MAML3: variants seen among roughly 807,000 people sequenced by gnomAD.
MAML3 encodes the protein mastermind-like protein 3.
Under a neutral mutation model 101.9 loss-of-function variants are expected in MAML3, and 27 were observed. The ratio of observed to expected loss-of-function variants is 0.27; its 90% CI spans 0.20 to 0.37. MAML3 has a LOEUF of 0.37. Among genes scored for constraint, MAML3 ranks in the 10% least tolerant of loss-of-function variants. The pLI is 1.00. For missense variants in MAML3, 1,316 were observed against 1,444.9 expected (o/e 0.91, Z 1.45); for synonymous variants, 501 against 555.9 (o/e 0.90, Z 1.39).
intron 1 of MAML3, among the ~76,000 whole-genome samples, chr4:140,107,867 G>A (rs1728378659): frequency 6.6e-6 from 1 of 151,110 alleles, no homozygotes; most frequent in African/African-American, 2.4e-5. Context: ...AAAAATGACG[G>A]TGGGGTGAGC....
chr4:139,876,224 A>ATATTAAGATGAAT (rs1732112642), intron 2 of MAML3, among the ~76,000 whole-genome samples: 1 of 152,266 alleles, frequency 6.6e-6, no homozygotes, highest in Admixed American at 6.5e-5. Context: ...AAATAAAAAT[A>ATATTAAGATGAAT]TATTAAGATG....
intron 2 of MAML3, among the ~76,000 whole-genome samples, chr4:139,765,339 C>T (rs1056597320): frequency 2.8e-4 from 42 of 152,264 alleles, no homozygotes; most frequent in East Asian, 2.1e-3. Context: ...GAATGCTTTC[C>T]TTGCTTCTTT....
chr4:139,866,993 C>A (rs1731910921), intron 2 of MAML3, among the ~76,000 whole-genome samples: 2 of 152,168 alleles, frequency 1.3e-5, no homozygotes, highest in African/African-American at 4.8e-5. Flanking sequence ...CCTTATTAGG[C>A]ACATAATGGG....
At chr4:139,912,399 G>C (rs1021923228) in intron 1 of MAML3, among the ~76,000 whole-genome samples, 1 of 152,192 alleles carries the variant, frequency 6.6e-6, no homozygotes, top group African/African-American at 2.4e-5. Flanking sequence ...AGAAGTAAAT[G>C]AAGGTTTCGT....
At position 139,823,144 on chromosome 4, in the gene MAML3, T is replaced by C. The variant is rs558063280; in HGVS notation, c.2079+66213A>G. 2.6e-5 allele frequency among the ~76,000 whole-genome samples: 4 copies of C among 152,364 alleles called. No homozygotes were observed. In the East Asian group the frequency reaches 5.8e-4, roughly 22 times the overall value. ...TCCTTCTTAGAAAATCAGTAAATGA[T>C]TCCTCATTATGCAAGTCAGTCAGAT... On this transcript the variant is annotated intron_variant, in intron 2 of 4. Coordinates refer to ENST00000509479, the MANE Select transcript of MAML3 (RefSeq NM_018717.5).
At chr4:139,893,446 T>C (rs1019158695) in intron 1 of MAML3, among the ~76,000 whole-genome samples, 4 of 152,154 alleles carry the variant, frequency 2.6e-5, no homozygotes, top group African/African-American at 9.7e-5. Flanking sequence ...AAGTGTCTGT[T>C]TGGTGAGTTC....
chr4:140,143,516 AC>A lies in MAML3; in HGVS notation c.468+9343del, dbSNP rs1250287187. 3.3e-5 allele frequency among the ~76,000 whole-genome samples: 5 copies of A among 152,334 alleles called. No homozygotes were observed. The East Asian group carries it at 9.7e-4, about 29-fold the overall frequency. ...GGTGGCTCACACCTGTAATCCTAGC[AC>A]TTTGGAAGGCCAAGGCGGGCGGATC... On this transcript the variant is annotated intron_variant, in intron 1 of 4. Coordinates refer to ENST00000509479, the MANE Select transcript of MAML3 (RefSeq NM_018717.5).
intron 1 of MAML3, among the ~76,000 whole-genome samples, chr4:140,135,475 G>GA (rs575514794): frequency 1.1e-3 from 161 of 152,318 alleles, no homozygotes; most frequent in African/African-American, 3.8e-3. Flanking sequence ...GGGCTGCTGT[G>GA]AAAAAAGATT....
At chr4:139,953,876 C>T (rs994526758) in intron 1 of MAML3, among the ~76,000 whole-genome samples, 21 of 152,280 alleles carry the variant, frequency 1.4e-4, no homozygotes, top group African/African-American at 4.6e-4. Context: ...TTCATTCCAA[C>T]GGCGACAGGA....
intron 1 of MAML3, among the ~76,000 whole-genome samples, chr4:139,993,890 C>G (rs1245802464): frequency 6.6e-6 from 1 of 152,082 alleles, no homozygotes; most frequent in African/African-American, 2.4e-5. Flanking sequence ...GTACAGATTA[C>G]ACTTTTGGTG....
intron 1 of MAML3, among the ~76,000 whole-genome samples, chr4:140,128,811 C>T (rs746662444): frequency 7.9e-5 from 12 of 152,210 alleles, no homozygotes; most frequent in South Asian, 2.1e-4. Flanking sequence ...AAGCCAGAAG[C>T]GTCTCCCTGT....
At position 139,717,862 on chromosome 4, in the gene MAML3, T is replaced by C. The variant is rs1728051400; in HGVS notation, c.*1461A>G. On this transcript the variant is annotated 3_prime_UTR_variant, in exon 5 of 5. Coordinates refer to ENST00000509479, the MANE Select transcript of MAML3 (RefSeq NM_018717.5). ...TTGGGAGGGGAGGCAAGGAGCCTTG[T>C]TGATTCCTTCTGACAGATTTCGCTT... is the stretch of plus-strand genomic sequence containing the variant. The C allele has an allele frequency of 6.6e-6, 1 of 151,970 alleles. No homozygotes were observed. The highest frequency in any genetic ancestry group is 2.4e-5 in the African/African-American group (1 of 41,322). The allele number at this position is 151,970 out of a possible 1,614,324, so 9.4% of individuals were successfully genotyped here. A position where few individuals can be genotyped will look rare whatever the true frequency, so the allele number is the denominator to read the frequency against.
At chr4:139,923,970 C>T (rs987647442) in intron 1 of MAML3, among the ~76,000 whole-genome samples, 23 of 152,204 alleles carry the variant, frequency 1.5e-4, no homozygotes, top group African/African-American at 5.3e-4. Context: ...ACTGTAAAGT[C>T]TGTAGGAATG....
Position 139,847,444 on chromosome 4 carries a change from T to C in MAML3, c.2079+41913A>G, listed in dbSNP as rs1282514926. 5.3e-5 allele frequency among the ~76,000 whole-genome samples: 8 copies of C among 152,316 alleles called. No individual in the cohort carries two copies. The South Asian group carries it at 1.7e-3, about 32-fold the overall frequency. On this transcript the variant is annotated intron_variant, in intron 2 of 4. Coordinates refer to ENST00000509479, the MANE Select transcript of MAML3 (RefSeq NM_018717.5). ...ACATGTTTCCATGCACACCTGATAC[T>C]GTGTCTCTCCCTCAAACACTTGGGA...
intron 1 of MAML3, among the ~76,000 whole-genome samples, chr4:139,979,323 A>G (rs1734402959): frequency 6.6e-6 from 1 of 152,180 alleles, no homozygotes; most frequent in South Asian, 2.1e-4. Flanking sequence ...TTTACATGGC[A>G]TTCATTTAAA....
At chr4:139,994,855 G>A (rs1410628852) in intron 1 of MAML3, among the ~76,000 whole-genome samples, 1 of 151,888 alleles carries the variant, frequency 6.6e-6, no homozygotes, top group African/African-American at 2.4e-5. Flanking sequence ...AGTCACCTGT[G>A]AATAAACTTT....
chr4:140,137,053 A>G (rs1728900727), intron 1 of MAML3, among the ~76,000 whole-genome samples: 2 of 152,250 alleles, frequency 1.3e-5, no homozygotes, highest in South Asian at 4.1e-4. Context: ...CAGTGGCGCT[A>G]TCTCGGCTCA....
intron 1 of MAML3, among the ~76,000 whole-genome samples, chr4:140,032,879 TAA>T (rs34897100): frequency 0.13 from 17,503 of 137,744 alleles, 1,297 homozygotes; most frequent in African/African-American, 0.21. Flanking sequence ...TCATTGTTTG[TAA>T]AAAAAAAAAA....
intron 2 of MAML3, among the ~76,000 whole-genome samples, chr4:139,841,037 A>T (rs1731351712): frequency 6.6e-6 from 1 of 152,188 alleles, no homozygotes; most frequent in Non-Finnish European, 1.5e-5. Flanking sequence ...CCATATCCTA[A>T]ATGACTAAAG....
Sources: allele counts gnomAD v4.1 joint callset (sites outside exome capture counted in the v4.1 genomes callset), GRCh38; gene constraint gnomAD v4.1.1; transcripts MANE v1.5; gene names NCBI Gene and HGNC (gene_info 2026-07-23, HGNC 2026-07-21).